HIPK1: variants seen among roughly 807,000 people sequenced by gnomAD.
The protein encoded by HIPK1 is homeodomain interacting protein kinase 1.
HIPK1 carries 28 observed loss-of-function variants against 117.1 expected under a neutral mutation model. The ratio of observed to expected loss-of-function variants is 0.24; its 90% CI spans 0.18 to 0.33. The LOEUF is 0.33. HIPK1 is among the 10% of genes least tolerant of loss of function. HIPK1 has a pLI of 1.00. For missense variants in HIPK1, 1,122 were observed against 1,475.1 expected, an observed-to-expected ratio of 0.76 and a Z score of 3.92; for synonymous variants, 605 against 562.5, an observed-to-expected ratio of 1.08 and a Z score of -1.07.
At chr1:113,951,992 G>A (rs1671397985) in intron 2 of HIPK1, among the ~76,000 whole-genome samples, 1 of 133,520 alleles carries the variant, frequency 7.5e-6, no homozygotes, top group Admixed American at 8.3e-5. Flanking sequence ...AGGCTGGAGT[G>A]TAGTGGTGTG....
At chr1:113,951,190 G>T in intron 2 of HIPK1, 3 of 965,736 alleles carry the variant, frequency 3.1e-6, no homozygotes, top group Non-Finnish European at 3.7e-6. Flanking sequence ...TGCTATTAGT[G>T]TTACCTATTA....
chr1:113,976,999 A>G lies in HIPK1; in HGVS notation c.*3487A>G, dbSNP rs970549267. 1 of 152,794 alleles carries G rather than the reference A, an allele frequency of 6.5e-6. No individual in the cohort carries two copies. Among genetic ancestry groups the G allele is most frequent in the African/African-American group, 2.4e-5 (1 of 41,442 alleles). 9.5% of individuals were successfully genotyped at this position (152,794 alleles called of 1,614,324 possible). A position where few individuals can be genotyped will look rare whatever the true frequency, so the allele number is the denominator to read the frequency against. On this transcript the variant is annotated 3_prime_UTR_variant, in exon 16 of 16. Coordinates refer to ENST00000426820, the MANE Select transcript of HIPK1 (RefSeq NM_198268.3). ...CTCAGCTGAAATACCAACCCCAGGA[A>G]TAAGAACTCCATTTCAAACAGTTCT...
intron 1 of HIPK1, among the ~76,000 whole-genome samples, chr1:113,935,351 A>G (rs926837383): frequency 6.6e-6 from 1 of 152,182 alleles, no homozygotes; most frequent in African/African-American, 2.4e-5. Flanking sequence ...GTTGCTGCAA[A>G]GGACATGGTC....
intron 1 of HIPK1, 31 bp from the exon 2 acceptor site, chr1:113,940,351 G>T: frequency 6.6e-7 from 1 of 1,519,810 alleles, no homozygotes; most frequent in Non-Finnish European, 8.9e-7. Context: ...TTTTATCCTT[G>T]TGGTCTAATT....
chr1:113,944,688 C>T (rs993635492), intron 2 of HIPK1, among the ~76,000 whole-genome samples: 2 of 150,972 alleles, frequency 1.3e-5, no homozygotes, highest in African/African-American at 4.9e-5. Flanking sequence ...CCATGTTGGC[C>T]GGGATGGTCT....
chr1:113,929,582 G>C, intron 1 of HIPK1, 50 bp downstream of exon 1: 1 of 1,253,684 alleles, frequency 8.0e-7, no homozygotes, highest in Non-Finnish European at 1.0e-6. Flanking sequence ...AGGCGGGGCC[G>C]GCCGGGTTGA....
chr1:113,969,028 C>T (rs1672647206), intron 13 of HIPK1, among the ~76,000 whole-genome samples: 1 of 151,972 alleles, frequency 6.6e-6, no homozygotes, highest in Admixed American at 6.6e-5. Context: ...CCCTCCCGCC[C>T]CCACCCAAAA....
At chr1:113,964,518 G>A (rs1672326267) in intron 10 of HIPK1, among the ~76,000 whole-genome samples, 1 of 152,154 alleles carries the variant, frequency 6.6e-6, no homozygotes, top group African/African-American at 2.4e-5. Flanking sequence ...AATTAGGTAA[G>A]CATCCAAAAA....
chr1:113,932,710 G>A (rs1321205363), intron 1 of HIPK1, among the ~76,000 whole-genome samples: 7 of 151,990 alleles, frequency 4.6e-5, no homozygotes, highest in Admixed American at 3.9e-4. Context: ...CGGAATTAGG[G>A]GGTTTTAGAA....
chr1:113,931,552 A>C (rs766747624), intron 1 of HIPK1, among the ~76,000 whole-genome samples: 9 of 152,176 alleles, frequency 5.9e-5, no homozygotes, highest in Non-Finnish European at 1.5e-5. Context: ...TGAATAGTTT[A>C]TCTCTCGACA....
chr1:113,946,830 A>C (rs1215874790), intron 2 of HIPK1, among the ~76,000 whole-genome samples: 1 of 152,216 alleles, frequency 6.6e-6, no homozygotes, highest in Non-Finnish European at 1.5e-5. Context: ...TTTAGGATTT[A>C]ACATGAGTGT....
At chr1:113,944,284 C>A (rs982198330) in intron 2 of HIPK1, among the ~76,000 whole-genome samples, 1 of 147,192 alleles carries the variant, frequency 6.8e-6, no homozygotes, top group African/African-American at 2.5e-5. Context: ...CTGCCTCAGC[C>A]TCCCGAGTAG....
Position 113,969,981 on chromosome 1 carries a change from G to A in HIPK1, c.2797G>A (p.Val933Ile). Residue 933 changes from valine to isoleucine, a missense_variant, in exon 14 of 16, where the codon GTC (valine) becomes ATC (isoleucine). Val to Ile is a conservative substitution (Grantham distance 29). This residue lies in a region of HIPK1 where 731 missense variants were observed against 860.4 expected (regional missense o/e 0.85). Transcript: ENST00000426820. Reference protein sequence around the residue: ...SSSGLKPRSNVISYVTVNDSP... With the variant: ...SSSGLKPRSNIISYVTVNDSP... ...CTCTGGACTGAAGCCAAGGTCTAATGTCATCAGTTATGTCACTGTCAATGA... is the reference window on the plus strand; with the variant it reads ...CTCTGGACTGAAGCCAAGGTCTAATATCATCAGTTATGTCACTGTCAATGA... The A allele has an allele frequency of 6.2e-7, 1 of 1,614,152 alleles. No individual in the cohort carries two copies.
At chr1:113,933,498 C>A (rs1007123533) in intron 1 of HIPK1, among the ~76,000 whole-genome samples, 3 of 151,766 alleles carry the variant, frequency 2.0e-5, no homozygotes. Flanking sequence ...GGGATAGGTA[C>A]ACTTTTTTTT....
intron 9 of HIPK1, among the ~76,000 whole-genome samples, 156 bp from the exon 10 acceptor site, chr1:113,963,231 A>G (rs1335908320): frequency 2.0e-5 from 3 of 152,234 alleles, no homozygotes; most frequent in South Asian, 4.1e-4. Flanking sequence ...TGCCATACAA[A>G]GTTGAAGGGG....
chr1:113,940,234 A>C, intron 1 of HIPK1, 148 bp from the exon 2 acceptor site: 1 of 750,526 alleles, frequency 1.3e-6, no homozygotes, highest in Non-Finnish European at 2.1e-6. Context: ...ATATAGGTCA[A>C]GATTGAATTA....
chr1:113,969,655 A>G (rs113921455), intron 13 of HIPK1, among the ~76,000 whole-genome samples: 27,753 of 152,204 alleles, frequency 0.18, 3,227 homozygotes, highest in East Asian at 0.25. Flanking sequence ...CATGCCTGCA[A>G]TCCTAGCACT....
intron 2 of HIPK1, among the ~76,000 whole-genome samples, chr1:113,945,250 GTA>G (rs1670914335): frequency 6.6e-6 from 1 of 152,066 alleles, no homozygotes; most frequent in Non-Finnish European, 1.5e-5. Context: ...TTGTTGAGTT[GTA>G]TACTCTATAT....
At chr1:113,959,996 T>C (rs1280187432) in intron 8 of HIPK1, among the ~76,000 whole-genome samples, 10 of 152,182 alleles carry the variant, frequency 6.6e-5, no homozygotes, top group African/African-American at 2.4e-4. Flanking sequence ...TGCAGAACCA[T>C]GATTTGAACC....
Sources: allele counts gnomAD v4.1 joint callset (sites outside exome capture counted in the v4.1 genomes callset), GRCh38; gene constraint gnomAD v4.1.1; regional missense constraint gnomAD v4.1.1; transcripts MANE v1.5; gene names NCBI Gene and HGNC (gene_info 2026-07-23, HGNC 2026-07-21).